The following SCUBE2 variants were observed in gnomAD, a reference collection of about 807,000 sequenced individuals.
SCUBE2 encodes the protein signal peptide, CUB and EGF-like domain-containing protein 2.
A neutral mutation model predicts 125.9 loss-of-function variants in SCUBE2; 114 were observed. The observed-to-expected ratio is 0.91, with a 90% CI of 0.78 to 1.06. SCUBE2 has a LOEUF of 1.06. Ranked by LOEUF, SCUBE2 falls within the 50% of genes least tolerant of loss-of-function variation. The pLI is 0.00. For missense variants in SCUBE2, 1,255 were observed against 1,301.8 expected (o/e 0.96, Z 0.55); for synonymous variants, 459 against 492.9 (o/e 0.93, Z 0.91).
intron 2 of SCUBE2, among the ~76,000 whole-genome samples, chr11:9,085,683 G>A (rs1230318503): frequency 3.9e-5 from 6 of 151,972 alleles, no homozygotes; most frequent in Non-Finnish European, 7.4e-5. Context: ...CCAACATCAC[G>A]CCACTGCACT....
rs72547301 is a variant in SCUBE2 at position 9,060,672 on chromosome 11, G to A, written c.851-148C>T. On this transcript the variant is annotated intron_variant, in intron 7 of 22. Transcript: ENST00000649792. Reference sequence around the variant, plus strand: ...TGCAGATGGGCTAGAGGGAGAGCAGGTGCAGCTCCTCCCACCCCCCTAAAT... The same window carrying A: ...TGCAGATGGGCTAGAGGGAGAGCAGATGCAGCTCCTCCCACCCCCCTAAAT... 9.3e-4 allele frequency: 591 copies of A among 635,942 alleles called. 9 individuals are homozygous for A. In the South Asian group the frequency reaches 0.011, roughly 11 times the overall value. The allele number at this position is 635,942 out of a possible 1,614,324, so 39.4% of individuals were successfully genotyped here.
intron 14 of SCUBE2, chr11:9,050,323 C>A: frequency 3.0e-6 from 1 of 327,950 alleles, no homozygotes; most frequent in Non-Finnish European, 5.6e-6. Flanking sequence ...TCATCTGAAG[C>A]CCTTATTGAC....
chr11:9,068,517 C>T (rs193034849), intron 5 of SCUBE2, among the ~76,000 whole-genome samples: 96 of 152,296 alleles, frequency 6.3e-4, no homozygotes, highest in Non-Finnish European at 1.2e-3. Context: ...GACACATCAA[C>T]ACACAAGTCA....
Position 9,062,493 on chromosome 11 carries a change from T to C in SCUBE2, c.851-1969A>G, listed in dbSNP as rs578209960. Among the ~76,000 whole-genome samples the C allele has an allele frequency of 2.0e-5, 3 of 152,328 alleles. No individual in the cohort carries two copies. In the South Asian group the frequency reaches 6.2e-4, roughly 32 times the overall value. ...GGCTTTTTAGTATTTTACTGTTAAA[T>C]ATGAAAAGTCGGTCAAGAATCACTA... is the stretch of plus-strand genomic sequence containing the variant. On this transcript the variant is annotated intron_variant, in intron 7 of 22. Transcript: ENST00000649792.
At chr11:9,025,012 T>A (rs997638063) in intron 21 of SCUBE2, among the ~76,000 whole-genome samples, 5 of 152,212 alleles carry the variant, frequency 3.3e-5, no homozygotes, top group Admixed American at 2.6e-4. Context: ...ATGACTCCTC[T>A]CCTACAGGAC....
rs776747192 is a variant in SCUBE2 at position 9,059,299 on chromosome 11, A to G, written c.1090+4T>C. ...CGCAGCACAGCTATGTTTTCAGCAC[A>G]TACCTTGGCAAGACTTCTCATCTGT... On this transcript the variant is annotated splice_donor_region_variant and intron_variant, in intron 9 of 22. Transcript: ENST00000649792. 1.9e-6 allele frequency: 3 copies of G among 1,614,002 alleles called. No individual in the cohort carries two copies. Among genetic ancestry groups the G allele is most frequent in the South Asian group, 2.2e-5 (2 of 91,074 alleles).
intron 17 of SCUBE2, chr11:9,031,200 G>C: frequency 3.3e-6 from 1 of 307,514 alleles, no homozygotes; most frequent in Non-Finnish European, 6.0e-6. Context: ...GGAAGGCCTG[G>C]GTAGTTCTCA....
At chr11:9,086,508 T>C (rs1862074808) in intron 2 of SCUBE2, among the ~76,000 whole-genome samples, 1 of 152,210 alleles carries the variant, frequency 6.6e-6, no homozygotes, top group South Asian at 2.1e-4. Context: ...CTTTTCCTTC[T>C]TGGGAGAAAA....
chr11:9,075,200 C>T (rs2135841655), intron 3 of SCUBE2, among the ~76,000 whole-genome samples: 2 of 87,336 alleles, frequency 2.3e-5, no homozygotes, highest in South Asian at 3.8e-4. Context: ...GAGCGAGACG[C>T]CATCTAAAAA....
intron 14 of SCUBE2, among the ~76,000 whole-genome samples, chr11:9,048,442 A>G (rs1279149828): frequency 6.6e-6 from 1 of 152,204 alleles, no homozygotes; most frequent in Non-Finnish European, 1.5e-5. Context: ...TTACACTCTC[A>G]CAGTTGGTTT....
Position 9,029,946 on chromosome 11 carries a change from A to G in SCUBE2, c.2441T>C (p.Val814Ala). ...AGTCGTAGTATTTCCTGGGCAAGAA[A>G]CACAATTATTTTTTCCAAATTCAGG... ...YQPEFGKNNCVSCPGNTTTDF... is the reference protein window; with the variant it reads ...YQPEFGKNNCASCPGNTTTDF... Residue 814 changes from valine to alanine, a missense_variant, in exon 19 of 23, where the codon GTT (valine) becomes GCT (alanine). Val to Ala is a moderately conservative substitution (Grantham distance 64). Around this residue, in one of 3 missense-constraint regions of SCUBE2, gnomAD observed 515 missense variants for 515.7 expected, o/e 1.00. Coordinates refer to ENST00000649792, the MANE Select transcript of SCUBE2 (RefSeq NM_001367977.2). 1.9e-6 allele frequency: 3 copies of G among 1,614,232 alleles called. No individual in the cohort carries two copies. The highest frequency in any genetic ancestry group is 2.5e-6 in the Non-Finnish European group (3 of 1,180,040).
At chr11:9,084,689 G>C (rs188661778) in intron 2 of SCUBE2, among the ~76,000 whole-genome samples, 19 of 152,066 alleles carry the variant, frequency 1.2e-4, no homozygotes, top group African/African-American at 4.4e-4. Context: ...GTAGCAGCCT[G>C]GCCAAAAACT....
At chr11:9,069,282 A>C in intron 5 of SCUBE2, 88 bp downstream of exon 5, 1 of 1,554,174 alleles carries the variant, frequency 6.4e-7, no homozygotes, top group Admixed American at 1.7e-5. Context: ...CAGCCGTGCC[A>C]TGAGGTGGTG....
chr11:9,079,418 G>A lies in SCUBE2; in HGVS notation c.348C>T (p.Gly116=). ...PGNYRCTCFD[G]FMLAHDGHNC... is the part of the protein sequence containing the mutation. ...TATGACCGTCATGAGCCAACATGAA[G>A]CCATCAAAACAAGTGCAACGATAAT... The change falls in exon 3 of 23, where the codon GGC becomes GGT. Residue 116 remains glycine, a synonymous_variant. Transcript: ENST00000649792. 5 of 1,614,068 alleles carry A rather than the reference G, an allele frequency of 3.1e-6. No homozygotes were observed. The highest frequency in any genetic ancestry group is 4.2e-6 in the Non-Finnish European group (5 of 1,179,970).
intron 10 of SCUBE2, among the ~76,000 whole-genome samples, 173 bp from the exon 11 acceptor site, chr11:9,053,932 C>G (rs1033962852): frequency 6.6e-6 from 1 of 151,884 alleles, no homozygotes; most frequent in African/African-American, 2.4e-5. Context: ...GCACACCCCA[C>G]TCCCCACCCA....
intron 6 of SCUBE2, 23 bp downstream of exon 6, chr11:9,066,674 T>C: frequency 1.9e-6 from 3 of 1,578,248 alleles, no homozygotes; most frequent in Non-Finnish European, 2.6e-6. Flanking sequence ...AGACCCTCAC[T>C]CAGTGTTGGG....
chr11:9,072,125 T>C (rs186845119), intron 4 of SCUBE2, among the ~76,000 whole-genome samples: 97 of 152,314 alleles, frequency 6.4e-4, no homozygotes, highest in Non-Finnish European at 1.2e-3. Flanking sequence ...ACAACAGCAA[T>C]AGAAAATACT....
intron 2 of SCUBE2, among the ~76,000 whole-genome samples, chr11:9,084,968 C>T (rs1204616600): frequency 6.6e-6 from 1 of 152,146 alleles, no homozygotes; most frequent in Non-Finnish European, 1.5e-5. Context: ...GCTTATCTCA[C>T]ACTCCTGGCC....
intron 3 of SCUBE2, among the ~76,000 whole-genome samples, chr11:9,076,417 C>T (rs1027212809): frequency 3.3e-5 from 5 of 152,050 alleles, no homozygotes; most frequent in Non-Finnish European, 5.9e-5. Flanking sequence ...ATCCTTTACT[C>T]ATCTACCTCT....
Sources: gnomAD v4.1 joint callset for allele counts (sites outside exome capture counted in the v4.1 genomes callset) on GRCh38, gnomAD v4.1.1 for gene constraint, gnomAD v4.1.1 regional missense constraint, MANE v1.5 for transcripts, NCBI Gene and HGNC (gene_info 2026-07-23, HGNC 2026-07-21) for gene names.